Variants in ZNF790 observed in about 807,000 individuals in gnomAD.
The protein encoded by ZNF790 is zinc finger protein 790.
A neutral mutation model predicts 12.1 loss-of-function variants in ZNF790; 8 were observed. That is an observed-to-expected ratio of 0.66 (90% CI 0.39 to 1.19). The LOEUF (loss-of-function observed/expected upper bound fraction) is 1.19, where lower values mean the gene tolerates loss of function less well. Among genes scored for constraint, ZNF790 ranks in the 50% most tolerant of loss-of-function variants. ZNF790 has a pLI of 0.01. For synonymous variants in ZNF790, 252 were observed against 244.3 expected (o/e 1.03, Z -0.29); for missense variants, 707 against 752.2 (o/e 0.94, Z 0.70).
intron 1 of ZNF790, among the ~76,000 whole-genome samples, chr19:36,836,032 G>C (rs781155320): frequency 6.6e-6 from 1 of 151,952 alleles, no homozygotes; most frequent in Non-Finnish European, 1.5e-5. Context: ...AGTAAACATT[G>C]GTTGCAGGGC....
chr19:36,831,879 A>C (rs2071951423), intron 1 of ZNF790, among the ~76,000 whole-genome samples: 1 of 152,178 alleles, frequency 6.6e-6, no homozygotes, highest in African/African-American at 2.4e-5. Context: ...ATAGTAGCAA[A>C]ACATGACCTA....
chr19:36,825,731 G>A, intron 1 of ZNF790, 39 bp from the exon 2 acceptor site: 2 of 1,182,780 alleles, frequency 1.7e-6, no homozygotes, highest in Non-Finnish European at 2.5e-6. Context: ...CTTTCTCAGA[G>A]CTCTCAAAGG....
intron 1 of ZNF790, among the ~76,000 whole-genome samples, chr19:36,827,175 T>TATATATATAC (rs2071840718): frequency 8.0e-6 from 1 of 124,948 alleles, no homozygotes; most frequent in Non-Finnish European, 1.7e-5. Context: ...TATATATATA[T>TATATATATAC]ATACACTTAC....
chr19:36,827,117 TACAC>T (rs760453936), intron 1 of ZNF790, among the ~76,000 whole-genome samples: 26 of 60,930 alleles, frequency 4.3e-4, no homozygotes, highest in African/African-American at 1.2e-3. Flanking sequence ...TATATACACA[TACAC>T]ACACACACAC....
At chr19:36,834,243 C>CAAAAAAA (rs751627349) in intron 1 of ZNF790, among the ~76,000 whole-genome samples, 6 of 34,854 alleles carry the variant, frequency 1.7e-4, no homozygotes, top group Admixed American at 2.8e-4. Flanking sequence ...AACTCCATCT[C>CAAAAAAA]AAAAAAAAAA....
rs756241468 is a variant in ZNF790, at chr19:36,818,732, C to A, written c.1612G>T (p.Glu538Ter). The A allele has an allele frequency of 1.2e-6, 2 of 1,612,816 alleles. No individual in the cohort carries two copies. Among genetic ancestry groups the A allele is most frequent in the Admixed American group, 1.7e-5 (1 of 59,628 alleles). Residue 538 changes from glutamate (E) to a stop codon, truncating the protein, a stop_gained, in exon 5 of 5, where the codon GAA (glutamate) becomes TAA (stop). Transcript: ENST00000356725. LOFTEE classifies it low-confidence loss of function (END_TRUNC). ...HTGEEPYVCK[E>*]CGKSFIWGSQ... ...CCCCAGATAAAAGATTTCCCACATT[C>A]TTTACATACGTAAGGTTCCTCACCA... is the stretch of plus-strand genomic sequence containing the variant.
chr19:36,832,261 A>T (rs1022663726), intron 1 of ZNF790, among the ~76,000 whole-genome samples: 8 of 152,204 alleles, frequency 5.3e-5, no homozygotes, highest in Non-Finnish European at 4.4e-5. Context: ...ATAAAATAGT[A>T]AAAGCGGAAT....
chr19:36,839,634 C>T (rs1255151219), upstream of ZNF790, among the ~76,000 whole-genome samples: 1 of 152,168 alleles, frequency 6.6e-6, no homozygotes, highest in African/African-American at 2.4e-5. Flanking sequence ...TCAAGTGATC[C>T]TCCCAAGTAG....
upstream of ZNF790, among the ~76,000 whole-genome samples, chr19:36,839,744 T>G (rs2072112807): frequency 6.6e-6 from 1 of 152,208 alleles, no homozygotes; most frequent in Non-Finnish European, 1.5e-5. Context: ...TTTAGGGTAT[T>G]AATAATATCT....
upstream of ZNF790, among the ~76,000 whole-genome samples, chr19:36,840,407 T>C (rs2072120294): frequency 6.6e-6 from 1 of 152,234 alleles, no homozygotes; most frequent in African/African-American, 2.4e-5. Context: ...TCTTTCCCAG[T>C]AAATTTATAT....
upstream of ZNF790, among the ~76,000 whole-genome samples, chr19:36,840,405 A>G (rs1012605257): frequency 6.6e-6 from 1 of 152,228 alleles, no homozygotes; most frequent in African/African-American, 2.4e-5. Flanking sequence ...GTTCTTTCCC[A>G]GTAAATTTAT....
rs1208550443 is a variant in ZNF790 at position 36,817,469 on chromosome 19, T to A, written c.*964A>T. 2.0e-5 allele frequency: 3 copies of A among 152,132 alleles called. No individual in the cohort carries two copies. Among genetic ancestry groups the A allele is most frequent in the Non-Finnish European group, 4.4e-5 (3 of 68,010 alleles). The allele number at this position is 152,132 out of a possible 1,614,324, so 9.4% of individuals were successfully genotyped here. A position where few individuals can be genotyped will look rare whatever the true frequency, so the allele number is the denominator to read the frequency against. ...TACTGATTTTTTTTCAGAATTAACA[T>A]TCTGATGTTCAGTAAGACATAAATA... On this transcript the variant is annotated 3_prime_UTR_variant, in exon 5 of 5. Transcript: ENST00000356725.
In ZNF790 at chr19:36,819,052, A is replaced by G. The variant is rs1423983448; in HGVS notation, c.1292T>C (p.Phe431Ser). 5 of 1,613,956 alleles carry G rather than the reference A, an allele frequency of 3.1e-6. No individual in the cohort carries two copies. Among genetic ancestry groups the G allele is most frequent in the African/African-American group, 2.7e-5 (2 of 74,894 alleles). The change falls in exon 5 of 5, where the codon TTT (phenylalanine) becomes TCT (serine). Residue 431 changes from phenylalanine (F) to serine (S), a missense_variant. Coordinates refer to ENST00000356725, the MANE Select transcript of ZNF790 (RefSeq NM_206894.4). ...TTGAGCAAGATACGAAGCCCAAGTA[A>G]AAGTCTTCCCGCATTGCTTACATTC... is the stretch of plus-strand genomic sequence containing the variant. ...PYECKQCGKT[F>S]TWASYLAQHE... is the part of the protein sequence containing the mutation.
rs80000703 is a variant in ZNF790, at chr19:36,831,957, A to G, written c.-73-6265T>C. On this transcript the variant is annotated intron_variant, in intron 1 of 4. Transcript: ENST00000356725. ...TCAAATATAAGAAAAAGGAAATTCA[A>G]TTGTCATCAGACTTCTGCAGTGCTA... 8.2e-3 allele frequency among the ~76,000 whole-genome samples: 1,243 copies of G among 152,332 alleles called. 12 individuals are homozygous for G. The highest frequency in any genetic ancestry group is 0.026 in the African/African-American group (1,089 of 41,572).
chr19:36,827,311 C>T (rs890155987), intron 1 of ZNF790, among the ~76,000 whole-genome samples: 34 of 151,752 alleles, frequency 2.2e-4, no homozygotes, highest in Non-Finnish European at 3.8e-4. Context: ...GCTCCACAGT[C>T]GGCCACCCAT....
At chr19:36,846,485 A>T (rs1600676519) in intron 1 of ZNF790, among the ~76,000 whole-genome samples, 1 of 151,898 alleles carries the variant, frequency 6.6e-6, no homozygotes, top group African/African-American at 2.4e-5. Context: ...GAATTCTTGA[A>T]CCCGGGAAGC....
chr19:36,846,494 G>A (rs2072182129), intron 1 of ZNF790, among the ~76,000 whole-genome samples: 1 of 152,168 alleles, frequency 6.6e-6, no homozygotes, highest in African/African-American at 2.4e-5. Context: ...AACCCGGGAA[G>A]CGGAGGTTGC....
intron 3 of ZNF790, 35 bp from the exon 4 acceptor site, chr19:36,823,415 T>C: frequency 6.3e-7 from 1 of 1,590,144 alleles, no homozygotes. Flanking sequence ...AAGAACCACA[T>C]TGTAAAGATT....
chr19:36,842,512 T>A (rs1156629597), upstream of ZNF790, among the ~76,000 whole-genome samples: 1 of 152,032 alleles, frequency 6.6e-6, no homozygotes, highest in Non-Finnish European at 1.5e-5. Flanking sequence ...ATAATAAGTT[T>A]TAAATATTTA....
Sources: allele counts gnomAD v4.1 joint callset (sites outside exome capture counted in the v4.1 genomes callset), GRCh38; gene constraint gnomAD v4.1.1; transcripts MANE v1.5; gene names NCBI Gene and HGNC (gene_info 2026-07-23, HGNC 2026-07-21).